Variants in PTN observed in about 807,000 individuals in gnomAD.
The protein encoded by PTN is heparin affin regulatory protein.
PTN carries 18 observed loss-of-function variants against 24.1 expected under a neutral mutation model. The observed-to-expected ratio is 0.75, with a 90% CI of 0.52 to 1.11. PTN has a LOEUF of 1.11. PTN is among the 50% of genes least tolerant of loss of function. The pLI is 0.00. For synonymous variants in PTN, 78 were observed against 68.6 expected (o/e 1.14, Z -0.67); for missense variants, 163 against 198.8 (o/e 0.82, Z 1.08).
chr7:137,290,259 A>G (rs1041288509), intron 1 of PTN, among the ~76,000 whole-genome samples: 1 of 152,154 alleles, frequency 6.6e-6, no homozygotes, highest in Non-Finnish European at 1.5e-5. Flanking sequence ...AACATGTGGG[A>G]ATTCAAGATG....
intron 1 of PTN, among the ~76,000 whole-genome samples, chr7:137,328,497 C>G (rs990436600): frequency 5.3e-5 from 8 of 152,114 alleles, no homozygotes; most frequent in African/African-American, 1.7e-4. Flanking sequence ...GGATTTTTTT[C>G]CCATCCTTTG....
chr7:137,253,112 T>C (rs1209594745), intron 3 of PTN, among the ~76,000 whole-genome samples: 2 of 152,230 alleles, frequency 1.3e-5, no homozygotes, highest in Non-Finnish European at 2.9e-5. Context: ...GGATATATTT[T>C]ATGTCCCTTT....
chr7:137,276,024 A>G (rs322247), intron 1 of PTN, among the ~76,000 whole-genome samples: 152,044 of 152,296 alleles, frequency 1, 75,898 homozygotes, highest in Middle Eastern at 1. Flanking sequence ...AGCAAATGGC[A>G]TCCCACATTA....
intron 1 of PTN, among the ~76,000 whole-genome samples, chr7:137,337,081 T>C (rs1810461598): frequency 6.6e-6 from 1 of 152,168 alleles, no homozygotes; most frequent in African/African-American, 2.4e-5. Flanking sequence ...CTGTCGTATG[T>C]CCAGGGTCCT....
At chr7:137,309,351 A>G (rs768902553) in intron 1 of PTN, among the ~76,000 whole-genome samples, 3 of 152,198 alleles carry the variant, frequency 2.0e-5, no homozygotes, top group Non-Finnish European at 4.4e-5. Flanking sequence ...TCATTTTGCT[A>G]GCAGAGGGTC....
At chr7:137,264,453 C>G (rs553139287) in intron 1 of PTN, among the ~76,000 whole-genome samples, 1 of 152,260 alleles carries the variant, frequency 6.6e-6, no homozygotes, top group Admixed American at 6.5e-5. Context: ...ATGAGTGGAC[C>G]AGTCAGCTTC....
chr7:137,257,560 C>A (rs555401880), intron 1 of PTN, among the ~76,000 whole-genome samples: 9 of 152,274 alleles, frequency 5.9e-5, no homozygotes, highest in Admixed American at 5.2e-4. Flanking sequence ...TAAAGTAAAC[C>A]AAAGTGGAAG....
At chr7:137,296,596 C>T (rs992213792) in intron 1 of PTN, among the ~76,000 whole-genome samples, 2 of 151,962 alleles carry the variant, frequency 1.3e-5, no homozygotes, top group Admixed American at 1.3e-4. Context: ...AAAAATGAAA[C>T]CCTCACCCTA....
At chr7:137,248,782 A>G (rs991581588) in intron 4 of PTN, among the ~76,000 whole-genome samples, 1 of 152,238 alleles carries the variant, frequency 6.6e-6, no homozygotes, top group Non-Finnish European at 1.5e-5. Context: ...TAGTTATAAC[A>G]AAGGTATATT....
chr7:137,268,369 C>G (rs939290904), intron 1 of PTN, among the ~76,000 whole-genome samples: 1 of 151,998 alleles, frequency 6.6e-6, no homozygotes, highest in African/African-American at 2.4e-5. Context: ...GGACGAGCCG[C>G]GGACAGGAGA....
At chr7:137,228,554 T>C (rs1260211415) in intron 4 of PTN, among the ~76,000 whole-genome samples, 4 of 151,754 alleles carry the variant, frequency 2.6e-5, no homozygotes, top group Non-Finnish European at 2.9e-5. Context: ...GAGCAAACAA[T>C]TGCAAAGTGG....
chr7:137,321,853 A>T (rs1365164210), intron 1 of PTN, among the ~76,000 whole-genome samples: 1 of 152,188 alleles, frequency 6.6e-6, no homozygotes, highest in Non-Finnish European at 1.5e-5. Flanking sequence ...GGCTTTGAAA[A>T]TTTGTTTTAC....
intron 4 of PTN, among the ~76,000 whole-genome samples, chr7:137,247,387 T>C (rs1563198677): frequency 6.6e-6 from 1 of 152,082 alleles, no homozygotes. Context: ...GAAATGGAGA[T>C]CATTAGGTTA....
chr7:137,279,717 T>C (rs1809434484), intron 1 of PTN, among the ~76,000 whole-genome samples: 1 of 152,226 alleles, frequency 6.6e-6, no homozygotes, highest in African/African-American at 2.4e-5. Context: ...TTAGTGACGC[T>C]ATATTTTAAG....
chr7:137,260,754 G>C (rs573959581), intron 1 of PTN, among the ~76,000 whole-genome samples: 1 of 152,008 alleles, frequency 6.6e-6, no homozygotes, highest in African/African-American at 2.4e-5. Context: ...CTATCCCTTT[G>C]GTAAGAATGT....
chr7:137,228,108 G>C, intron 4 of PTN, 33 bp from the exon 5 acceptor site: 1 of 1,365,520 alleles, frequency 7.3e-7, no homozygotes, highest in Non-Finnish European at 1.0e-6. Flanking sequence ...CAGAAAGAGA[G>C]AAAGAGAAAA....
intron 1 of PTN, among the ~76,000 whole-genome samples, chr7:137,289,719 C>G (rs938039320): frequency 6.6e-6 from 1 of 152,092 alleles, no homozygotes; most frequent in Non-Finnish European, 1.5e-5. Context: ...GTACCTCATT[C>G]CTGCAACTGC....
chr7:137,238,855 A>T (rs1808570249), intron 4 of PTN, among the ~76,000 whole-genome samples: 1 of 152,202 alleles, frequency 6.6e-6, no homozygotes, highest in Non-Finnish European at 1.5e-5. Context: ...TACAATACTC[A>T]ATAAATAACA....
At chr7:137,245,427 A>G (rs535517697) in intron 4 of PTN, among the ~76,000 whole-genome samples, 1 of 152,312 alleles carries the variant, frequency 6.6e-6, no homozygotes, top group South Asian at 2.1e-4. Flanking sequence ...CATTACTCAC[A>G]TGTCTGTGGT....
Sources: gnomAD v4.1 joint callset for allele counts (sites outside exome capture counted in the v4.1 genomes callset) on GRCh38, gnomAD v4.1.1 for gene constraint, MANE v1.5 for transcripts, NCBI Gene and HGNC (gene_info 2026-07-23, HGNC 2026-07-21) for gene names.